Variants in POLR1D observed in about 807,000 individuals in gnomAD.
POLR1D encodes DNA-directed RNA polymerases I and III subunit RPAC2.
Under a neutral mutation model 10.8 loss-of-function variants are expected in POLR1D, and 8 were observed. The observed-to-expected ratio is 0.74, with a 90% CI of 0.43 to 1.33. POLR1D has a LOEUF of 1.33. Ranked by LOEUF, POLR1D falls within the 40% of genes most tolerant of loss-of-function variation. POLR1D has a pLI of 0.01. For synonymous variants in POLR1D, 54 were observed against 57.2 expected (o/e 0.94, Z 0.25); for missense variants, 152 against 161.7 (o/e 0.94, Z 0.32).
At chr13:27,622,080 C>A in intron 1 of POLR1D, 71 bp downstream of exon 1, 1 of 1,352,722 alleles carries the variant, frequency 7.4e-7, no homozygotes, top group Non-Finnish European at 1.0e-6. Flanking sequence ...GGGCACGCTG[C>A]CTGGCCTGGC....
chr13:27,626,940 C>T (rs1956016379), downstream of POLR1D, among the ~76,000 whole-genome samples: 1 of 152,192 alleles, frequency 6.6e-6, no homozygotes, highest in South Asian at 2.1e-4. Context: ...TCAGTACTGA[C>T]CCAAAGAGTG....
upstream of POLR1D, chr13:27,621,317 C>G (rs1355318539): frequency 6.6e-6 from 1 of 152,406 alleles, no homozygotes; most frequent in African/African-American, 2.4e-5. Flanking sequence ...ACATTTCTTT[C>G]TTGCCCTATT....
chr13:27,664,442 T>A (rs1243009349), intron 2 of POLR1D, among the ~76,000 whole-genome samples: 3 of 152,250 alleles, frequency 2.0e-5, no homozygotes, highest in Non-Finnish European at 2.9e-5. Flanking sequence ...AATTTTCCAC[T>A]GTCCTTTTCT....
chr13:27,622,078 T>G, intron 1 of POLR1D, 69 bp downstream of exon 1: 2 of 1,387,028 alleles, frequency 1.4e-6, no homozygotes, highest in Non-Finnish European at 2.0e-6. Flanking sequence ...AGGGGCACGC[T>G]GCCTGGCCTG....
At chr13:27,666,238 A>G in exon 3 of POLR1D, 2 of 349,898 alleles carry the variant, frequency 5.7e-6, no homozygotes, top group Non-Finnish European at 1.0e-5. Context: ...CAAAATAAAC[A>G]TGTCTAGAAT....
At chr13:27,636,043 C>T (rs1397951413) in intron 1 of POLR1D, among the ~76,000 whole-genome samples, 3 of 152,100 alleles carry the variant, frequency 2.0e-5, no homozygotes, top group African/African-American at 7.2e-5. Context: ...TCTATTCAGT[C>T]TGGATTTTTC....
intron 2 of POLR1D, among the ~76,000 whole-genome samples, chr13:27,657,036 C>T (rs1012527854): frequency 6.6e-6 from 1 of 152,056 alleles, no homozygotes; most frequent in Non-Finnish European, 1.5e-5. Context: ...GCCATGGGAC[C>T]CCGTAACGCA....
At chr13:27,625,192 G>A (rs1955996430), downstream of POLR1D, among the ~76,000 whole-genome samples, 1 of 152,282 alleles carries the variant, frequency 6.6e-6, no homozygotes, top group African/African-American at 2.4e-5. Flanking sequence ...GAGTCCATGG[G>A]AGGAAGAGTT....
intron 1 of POLR1D, among the ~76,000 whole-genome samples, chr13:27,644,518 T>C (rs1269636713): frequency 1.3e-5 from 2 of 152,194 alleles, no homozygotes; most frequent in African/African-American, 4.8e-5. Context: ...TGGCTGGAGA[T>C]AATACACACA....
chr13:27,651,878 G>A lies in POLR1D; in HGVS notation c.101+3425G>A, dbSNP rs183201320. ...GAGGATGATAGTGAAAATCTGGTGA[G>A]ATAATGTGTATGAAAACACCCAGCA... On this transcript the variant is annotated intron_variant, in intron 2 of 2. Coordinates refer to the POLR1D transcript ENST00000399697. Among the ~76,000 whole-genome samples the A allele has an allele frequency of 4.2e-4, 64 of 152,310 alleles. 2 individuals carry two copies. Among genetic ancestry groups the A allele is most frequent in the Admixed American group, 4.1e-3 (63 of 15,296 alleles).
intron 2 of POLR1D, among the ~76,000 whole-genome samples, chr13:27,652,911 C>CTTTTTTTTTT (rs71083685): frequency 2.2e-5 from 2 of 89,332 alleles, no homozygotes; most frequent in African/African-American, 9.7e-5. Flanking sequence ...TTTACCATTT[C>CTTTTTTTTTT]TTTTTTTTTT....
chr13:27,621,859 T>C (rs1566139714), upstream of POLR1D: 5 of 1,012,162 alleles, frequency 4.9e-6, no homozygotes, highest in Non-Finnish European at 7.6e-6. Flanking sequence ...TCCTCCTCCC[T>C]CCTTCCGTCC....
intron 1 of POLR1D, among the ~76,000 whole-genome samples, chr13:27,638,124 T>G (rs1956143035): frequency 6.6e-6 from 1 of 152,192 alleles, no homozygotes; most frequent in African/African-American, 2.4e-5. Flanking sequence ...TGAGGCCTGG[T>G]CTGGCAGTCC....
upstream of POLR1D, chr13:27,621,886 G>C: frequency 6.8e-6 from 9 of 1,318,098 alleles, no homozygotes; most frequent in Non-Finnish European, 9.6e-6. Flanking sequence ...CCTTCCGTCG[G>C]TCGGTCCTTG....
At chr13:27,658,401 C>A (rs10492485) in intron 2 of POLR1D, among the ~76,000 whole-genome samples, 7,411 of 152,274 alleles carry the variant, frequency 0.049, 278 homozygotes, top group South Asian at 0.12. Context: ...CAAGACCCAT[C>A]GCTGTGGAGT....
chr13:27,623,380 C>A lies in POLR1D; in HGVS notation c.*130C>A. 6.6e-7 allele frequency: 1 copy of A among 1,512,548 alleles called. No individual in the cohort carries two copies. Among genetic ancestry groups the A allele is most frequent in the Non-Finnish European group, 8.8e-7 (1 of 1,131,768 alleles). 93.7% of individuals were successfully genotyped at this position (1,512,548 alleles called of 1,614,324 possible). On this transcript the variant is annotated 3_prime_UTR_variant, in exon 2 of 2. Transcript: ENST00000302979. ...AGAAAGGCGTGATTCTAGCTGTTGA[C>A]CCCTTGCAGCTGTTGGAATCTCTGC...
chr13:27,666,556 T>C (rs1956421067), exon 3 of POLR1D: 1 of 152,274 alleles, frequency 6.6e-6, no homozygotes, highest in South Asian at 2.1e-4. Context: ...TGTTGTTTCC[T>C]GTGCATTCTC....
chr13:27,656,991 A>G (rs186909619), intron 2 of POLR1D, among the ~76,000 whole-genome samples: 22 of 152,304 alleles, frequency 1.4e-4, no homozygotes, highest in African/African-American at 5.3e-4. Context: ...TTGTGGATCA[A>G]TGCATGTAAT....
downstream of POLR1D, among the ~76,000 whole-genome samples, chr13:27,625,357 T>C (rs1955998797): frequency 2.0e-5 from 3 of 151,884 alleles, no homozygotes; most frequent in Admixed American, 1.3e-4. Context: ...TAGAAGCTAG[T>C]GATGGAGAAG....
Sources: gnomAD v4.1 joint callset for allele counts (sites outside exome capture counted in the v4.1 genomes callset) on GRCh38, gnomAD v4.1.1 for gene constraint, MANE v1.5 for transcripts, NCBI Gene and HGNC (gene_info 2026-07-23, HGNC 2026-07-21) for gene names.